SPCS3: variants seen among roughly 807,000 people sequenced by gnomAD.
SPCS3 encodes the protein signal peptidase complex subunit 3.
SPCS3 carries 9 observed loss-of-function variants against 17.2 expected under a neutral mutation model. The ratio of observed to expected loss-of-function variants is 0.52; its 90% CI spans 0.31 to 0.91. The LOEUF is 0.91. Ranked by LOEUF, SPCS3 falls within the 40% of genes least tolerant of loss-of-function variation. The pLI, the probability that SPCS3 is intolerant of heterozygous loss-of-function variation, is 0.04. For missense variants in SPCS3, 139 were observed against 217.5 expected (o/e 0.64, Z 2.27); for synonymous variants, 87 against 89.6 (o/e 0.97, Z 0.16).
Position 176,320,060 on chromosome 4 carries a change from C to G in SPCS3, c.-17C>G, listed in dbSNP as rs752135210. On this transcript the variant is annotated 5_prime_UTR_variant, in exon 1 of 5. Transcript: ENST00000503362. ...TGGGTGTGCGTGTGGAGTCCGGACT[C>G]GTGGGAGACGATCGCGATGAACACG... 6.5e-7 allele frequency: 1 copy of G among 1,540,160 alleles called. No individual in the cohort carries two copies. Among genetic ancestry groups the G allele is most frequent in the South Asian group, 1.2e-5 (1 of 84,412 alleles).
chr4:176,330,081 A>G lies in SPCS3; in HGVS notation c.*1751A>G, dbSNP rs1731663420. 1 of 152,182 alleles carries G rather than the reference A, an allele frequency of 6.6e-6. No homozygotes were observed. Among genetic ancestry groups the G allele is most frequent in the African/African-American group, 2.4e-5 (1 of 41,450 alleles). 9.4% of individuals were successfully genotyped at this position (152,182 alleles called of 1,614,324 possible). A position where few individuals can be genotyped will look rare whatever the true frequency, so the allele number is the denominator to read the frequency against. On this transcript the variant is annotated 3_prime_UTR_variant, in exon 5 of 5. Transcript: ENST00000503362. ...GACAGAGTTGGACCAGTTAACTTTA[A>G]TGGCCATCCTTTTACACCACACAAG... is the stretch of plus-strand genomic sequence containing the variant.
rs1001037646 is a variant in SPCS3, at chr4:176,330,594, G to A, written c.*2264G>A. 2 of 152,066 alleles carry A rather than the reference G, an allele frequency of 1.3e-5. No individual in the cohort carries two copies. The highest frequency in any genetic ancestry group is 2.9e-5 in the Non-Finnish European group (2 of 68,020). 9.4% of individuals were successfully genotyped at this position (152,066 alleles called of 1,614,324 possible). A position where few individuals can be genotyped will look rare whatever the true frequency, so the allele number is the denominator to read the frequency against. On this transcript the variant is annotated 3_prime_UTR_variant, in exon 5 of 5. Transcript: ENST00000503362. The stretch of plus-strand genomic sequence containing the variant: ...CTCAGAAAAAGAATGCTCCAACATG[G>A]GAATAAGGACCTTCAGTCTCAGGAA...
At chr4:176,320,667 T>C (rs1307061386) in intron 1 of SPCS3, 1 of 152,930 alleles carries the variant, frequency 6.5e-6, no homozygotes, top group African/African-American at 2.4e-5. Context: ...CGGGCTTCCG[T>C]GGGGTTTCCT....
At chr4:176,324,366 A>G (rs1174434695) in intron 3 of SPCS3, 109 bp downstream of exon 3, 3 of 512,484 alleles carry the variant, frequency 5.9e-6, no homozygotes, top group Non-Finnish European at 8.7e-6. Flanking sequence ...TTACCTAGCA[A>G]AACATCACAA....
At chr4:176,320,300 T>C in intron 1 of SPCS3, 81 bp downstream of exon 1, 1 of 1,224,930 alleles carries the variant, frequency 8.2e-7, no homozygotes, top group Non-Finnish European at 1.0e-6. Flanking sequence ...GCGCCGGGGC[T>C]GCCGTGCCGG....
Position 176,327,198 on chromosome 4 carries a change from T to C in SPCS3, c.331T>C (p.Leu111=). 1 of 1,595,302 alleles carries C rather than the reference T, an allele frequency of 6.3e-7. No homozygotes were observed. Among genetic ancestry groups the C allele is most frequent in the East Asian group, 2.2e-5 (1 of 44,542 alleles). Residue 111 remains leucine (L), a synonymous_variant, in exon 4 of 5, where the codon TTG becomes CTG. Coordinates refer to ENST00000503362, the MANE Select transcript of SPCS3 (RefSeq NM_021928.4). ...AGTTGTCCTATGGGACAAGATTGTT[T>C]TGAGAGGTGATAATCCGAAGCTGCT... ...NQVVLWDKIV[L]RGDNPKLLLK...
rs1367063735 is a variant in SPCS3 at position 176,327,287 on chromosome 4, T to C, written c.410+10T>C. ...ATGGAAATGGTCTCAAGTGAGCAATTCTTGGTCATTTTTTTACATTTAATA... is the reference window on the plus strand; with the variant it reads ...ATGGAAATGGTCTCAAGTGAGCAATCCTTGGTCATTTTTTTACATTTAATA... On this transcript the variant is annotated intron_variant, in intron 4 of 4. Coordinates refer to ENST00000503362, the MANE Select transcript of SPCS3 (RefSeq NM_021928.4). 3.4e-6 allele frequency: 5 copies of C among 1,462,994 alleles called. No individual in the cohort carries two copies. In the Admixed American group the frequency reaches 7.4e-5, roughly 22 times the overall value. 90.6% of individuals were successfully genotyped at this position (1,462,994 alleles called of 1,614,324 possible).
chr4:176,327,069 C>T, intron 3 of SPCS3, 93 bp from the exon 4 acceptor site: 1 of 695,598 alleles, frequency 1.4e-6, no homozygotes, highest in Non-Finnish European at 2.3e-6. Context: ...AATTCATTAA[C>T]ATGTCAAACT....
At position 176,327,163 on chromosome 4, in the gene SPCS3, C is replaced by A; in HGVS notation, c.296C>A (p.Ala99Asp). The A allele has an allele frequency of 6.4e-7, 1 of 1,555,258 alleles. No individual in the cohort carries two copies. Among genetic ancestry groups the A allele is most frequent in the African/African-American group, 1.4e-5 (1 of 72,604 alleles). ...LSAEYSTKNN[A>D]LNQVVLWDKI... is the part of the protein sequence containing the mutation. ...TAATTAATTTTCATTTTAATATAGG[C>A]TCTGAACCAAGTTGTCCTATGGGAC... Residue 99 changes from alanine to aspartate, a missense_variant and splice_region_variant, in exon 4 of 5, where the codon GCT (alanine) becomes GAT (aspartate). By Grantham distance (126) the Ala-to-Asp change is moderately radical. Transcript: ENST00000503362.
chr4:176,320,882 G>T (rs1731528759), intron 1 of SPCS3: 1 of 152,340 alleles, frequency 6.6e-6, no homozygotes, highest in African/African-American at 2.4e-5. Flanking sequence ...TTTTTGTTTT[G>T]TTGGGTTTCT....
At chr4:176,321,095 C>G (rs1731531847) in intron 1 of SPCS3, 1 of 151,954 alleles carries the variant, frequency 6.6e-6, no homozygotes, top group South Asian at 2.1e-4. Context: ...AGTTCTTTAA[C>G]CTTAGTTTAT....
At position 176,331,481 on chromosome 4, in the gene SPCS3, A is replaced by G. The variant is rs1284973991; in HGVS notation, c.*3151A>G. 6.6e-6 allele frequency: 1 copy of G among 152,192 alleles called. No homozygotes were observed. The highest frequency in any genetic ancestry group is 2.1e-4 in the South Asian group (1 of 4,836). 9.4% of individuals were successfully genotyped at this position (152,192 alleles called of 1,614,324 possible). A position where few individuals can be genotyped will look rare whatever the true frequency, so the allele number is the denominator to read the frequency against. On this transcript the variant is annotated 3_prime_UTR_variant, in exon 5 of 5. Coordinates refer to ENST00000503362, the MANE Select transcript of SPCS3 (RefSeq NM_021928.4). ...AAGAGATGTTTCAAAAAATTGTTGC[A>G]TGTTTTTGATGCAATTTGGGAAATT...
intron 1 of SPCS3, 37 bp from the exon 2 acceptor site, chr4:176,322,133 G>C (rs377522030): frequency 5.4e-4 from 737 of 1,369,876 alleles, no homozygotes; most frequent in Non-Finnish European, 7.1e-4. Context: ...TGTATGTTCT[G>C]TTGGAAGGAT....
intron 3 of SPCS3, among the ~76,000 whole-genome samples, chr4:176,325,039 C>CTT (rs1027685636): frequency 7.1e-6 from 1 of 140,256 alleles, no homozygotes. Context: ...CAGCTGTTTC[C>CTT]TTTTTTTTTT....
chr4:176,321,342 G>T (rs928267091), intron 1 of SPCS3: 4 of 151,902 alleles, frequency 2.6e-5, no homozygotes, highest in African/African-American at 9.7e-5. Flanking sequence ...TACCATTCTG[G>T]GCCTTAATTT....
At position 176,327,527 on chromosome 4, in the gene SPCS3, C is replaced by T. The variant is rs568149902; in HGVS notation, c.410+250C>T. The T allele has an allele frequency of 7.8e-4, 203 of 260,568 alleles. 2 individuals are homozygous for T. In the South Asian group the frequency reaches 8.4e-3, roughly 11 times the overall value. 16.1% of individuals were successfully genotyped at this position (260,568 alleles called of 1,614,324 possible). On this transcript the variant is annotated intron_variant, in intron 4 of 4. Coordinates refer to ENST00000503362, the MANE Select transcript of SPCS3 (RefSeq NM_021928.4). ...CTATCCTAAGCGTGTACAAGGAATACGGGCTTGTTCAGATGCGGTAGGGCT... is the reference window on the plus strand; with the variant it reads ...CTATCCTAAGCGTGTACAAGGAATATGGGCTTGTTCAGATGCGGTAGGGCT...
intron 1 of SPCS3, chr4:176,321,614 G>A (rs1328190535): frequency 2.6e-5 from 4 of 152,174 alleles, no homozygotes; most frequent in African/African-American, 9.7e-5. Flanking sequence ...TACAAGTTAA[G>A]CACAATAAGA....
At position 176,328,749 on chromosome 4, in the gene SPCS3, T is replaced by C. The variant is rs1442324172; in HGVS notation, c.*419T>C. On this transcript the variant is annotated 3_prime_UTR_variant, in exon 5 of 5. Transcript: ENST00000503362. ...TCACGCAAATTCACATTGGATGTGA[T>C]TTAAAAGTAGACATTCTCTTTTTCC... 1 of 152,268 alleles carries C rather than the reference T, an allele frequency of 6.6e-6. No homozygotes were observed. The highest frequency in any genetic ancestry group is 1.5e-5 in the Non-Finnish European group (1 of 68,044). 9.4% of individuals were successfully genotyped at this position (152,268 alleles called of 1,614,324 possible).
chr4:176,329,021 C>T lies in SPCS3; in HGVS notation c.*691C>T, dbSNP rs1469784756. ...GCAAAATGTGTGTCTTCAGTGCTTT[C>T]TCTAAAAACGTTCCTTTATAGCTTT... is the stretch of plus-strand genomic sequence containing the variant. On this transcript the variant is annotated 3_prime_UTR_variant, in exon 5 of 5. Coordinates refer to ENST00000503362, the MANE Select transcript of SPCS3 (RefSeq NM_021928.4). 1 of 152,128 alleles carries T rather than the reference C, an allele frequency of 6.6e-6. No homozygotes were observed. The highest frequency in any genetic ancestry group is 3.4e-3 in the Middle Eastern group (1 of 294). 9.4% of individuals were successfully genotyped at this position (152,128 alleles called of 1,614,324 possible).
Sources: allele counts gnomAD v4.1 joint callset (sites outside exome capture counted in the v4.1 genomes callset), GRCh38; gene constraint gnomAD v4.1.1; transcripts MANE v1.5; gene names NCBI Gene and HGNC (gene_info 2026-07-23, HGNC 2026-07-21).